Variants in TRIM37 observed in about 807,000 individuals in gnomAD.
TRIM37 encodes tripartite motif containing 37.
In TRIM37, 80 loss-of-function variants were observed where a neutral mutation model predicts 129.8. That is an observed-to-expected ratio of 0.62 (90% confidence interval 0.51 to 0.74). The LOEUF (loss-of-function observed/expected upper bound fraction) is 0.74, where lower values mean the gene tolerates loss of function less well. Among genes scored for constraint, TRIM37 ranks in the 30% least tolerant of loss-of-function variants. TRIM37 has a pLI of 0.00. For missense variants in TRIM37, 1,054 were observed against 1,176.5 expected (o/e 0.90, Z 1.52); for synonymous variants, 389 against 387.1 (o/e 1.00, Z -0.06).
chr17:58,978,160 G>T (rs2031134115), downstream of TRIM37, among the ~76,000 whole-genome samples: 2 of 152,182 alleles, frequency 1.3e-5, no homozygotes, highest in Admixed American at 1.3e-4. Context: ...TTAGTGCAAT[G>T]GAAAGGATAG....
In TRIM37 at chr17:59,047,148, G is replaced by A. The variant is rs1407568291; in HGVS notation, c.1667+535C>T. Among the ~76,000 whole-genome samples the A allele has an allele frequency of 4.7e-5, 7 of 148,154 alleles. No individual in the cohort carries two copies. In the South Asian group the frequency reaches 8.5e-4, roughly 18 times the overall value. On this transcript the variant is annotated intron_variant, in intron 16 of 23. Coordinates refer to ENST00000262294, the MANE Select transcript of TRIM37 (RefSeq NM_015294.6). Reference sequence around the variant, plus strand: ...AGCCTGGGCGACAGAGCGAGACTCCGTCTCAAAAAAAAAGGAAAAAAAAAA... The same window carrying A: ...AGCCTGGGCGACAGAGCGAGACTCCATCTCAAAAAAAAAGGAAAAAAAAAA...
At chr17:59,072,199 G>A (rs1412612984) in intron 8 of TRIM37, among the ~76,000 whole-genome samples, 1 of 152,142 alleles carries the variant, frequency 6.6e-6, no homozygotes, top group African/African-American at 2.4e-5. Context: ...TACAGGCCAA[G>A]GAGAGAGACC....
intron 16 of TRIM37, among the ~76,000 whole-genome samples, chr17:59,042,446 AAAAAT>A (rs1348694385): frequency 1.2e-3 from 52 of 44,744 alleles, no homozygotes; most frequent in Admixed American, 3.0e-3. Flanking sequence ...AAAAAAAAAA[AAAAAT>A]ATATATATAT....
chr17:59,070,748 A>C (rs957960579), intron 9 of TRIM37, 75 bp downstream of exon 9: 35 of 1,512,936 alleles, frequency 2.3e-5, no homozygotes, highest in South Asian at 4.7e-5. Flanking sequence ...TAAAAAAAAA[A>C]ACATTCTTTT....
At chr17:59,092,924 G>A (rs1478029256) in intron 2 of TRIM37, among the ~76,000 whole-genome samples, 2 of 152,066 alleles carry the variant, frequency 1.3e-5, no homozygotes, top group Admixed American at 1.3e-4. Context: ...AGGCTGAGGC[G>A]GGTGGATCAC....
chr17:59,065,051 A>C (rs1276049029), intron 9 of TRIM37, among the ~76,000 whole-genome samples: 1 of 152,176 alleles, frequency 6.6e-6, no homozygotes, highest in African/African-American at 2.4e-5. Flanking sequence ...ACTCTGTCTC[A>C]GTCAACCAAT....
At chr17:59,054,582 G>A (rs565560144) in intron 13 of TRIM37, among the ~76,000 whole-genome samples, 1 of 152,178 alleles carries the variant, frequency 6.6e-6, no homozygotes, top group African/African-American at 2.4e-5. Flanking sequence ...GATTACAGGC[G>A]TGAGCCACGG....
chr17:59,047,691 T>A lies in TRIM37; in HGVS notation c.1659A>T (p.Glu553Asp). The change falls in exon 16 of 24, where the codon GAA (glutamate) becomes GAT (aspartate). Residue 553 changes from glutamate (E) to aspartate (D), a missense_variant. By Grantham distance (45) the Glu-to-Asp change is conservative (BLOSUM62 2). Coordinates refer to ENST00000262294, the MANE Select transcript of TRIM37 (RefSeq NM_015294.6). Reference protein sequence around the residue: ...TSNTEENDIDEETMSGENDVE... With the variant: ...TSNTEENDIDDETMSGENDVE... ...TAAAGTGGGAAACTCACATAGTTTCTTCATCAATATCATTTTCTTCTGTAT... is the reference window on the plus strand; with the variant it reads ...TAAAGTGGGAAACTCACATAGTTTCATCATCAATATCATTTTCTTCTGTAT... 6.2e-7 allele frequency: 1 copy of A among 1,613,464 alleles called. No individual in the cohort carries two copies. Among genetic ancestry groups the A allele is most frequent in the Non-Finnish European group, 8.5e-7 (1 of 1,179,768 alleles).
At chr17:59,063,597 A>G (rs985370496) in intron 10 of TRIM37, among the ~76,000 whole-genome samples, 3 of 152,224 alleles carry the variant, frequency 2.0e-5, no homozygotes, top group Non-Finnish European at 4.4e-5. Context: ...GAACCTTTGC[A>G]TGTTACGATC....
intron 4 of TRIM37, among the ~76,000 whole-genome samples, chr17:59,084,490 T>C (rs1395089753): frequency 2.0e-5 from 3 of 152,170 alleles, no homozygotes; most frequent in Admixed American, 6.5e-5. Context: ...TGGTCAACGA[T>C]AACAATAATC....
chr17:59,084,939 A>C (rs994482321), intron 4 of TRIM37, among the ~76,000 whole-genome samples: 5 of 152,194 alleles, frequency 3.3e-5, no homozygotes, highest in Admixed American at 6.6e-5. Flanking sequence ...TGAGAAAATA[A>C]ATTTCTATTG....
chr17:59,001,466 AAAAG>A (rs1341043662), intron 23 of TRIM37, 128 bp downstream of exon 23: 12 of 1,126,682 alleles, frequency 1.1e-5, no homozygotes, highest in African/African-American at 7.9e-5. Flanking sequence ...AAAAAAAAAA[AAAAG>A]AAGTAGAAGC....
At chr17:59,060,344 T>C (rs75260663) in intron 12 of TRIM37, among the ~76,000 whole-genome samples, 2 of 151,756 alleles carry the variant, frequency 1.3e-5, no homozygotes, top group African/African-American at 2.4e-5. Context: ...TTTTTTTTTT[T>C]GGTTGTTGCA....
At chr17:58,992,827 T>A (rs888096428) in intron 24 of TRIM37, among the ~76,000 whole-genome samples, 8 of 152,164 alleles carry the variant, frequency 5.3e-5, no homozygotes, top group Non-Finnish European at 1.5e-5. Context: ...TCCTGAGTCA[T>A]CTCATTAGCA....
intron 4 of TRIM37, 156 bp downstream of exon 4, chr17:59,088,135 T>C: frequency 1.6e-6 from 1 of 638,226 alleles, no homozygotes; most frequent in Non-Finnish European, 2.8e-6. Context: ...AAGAATATGT[T>C]ACTTAACAGT....
chr17:59,033,371 A>G lies in TRIM37; in HGVS notation c.1754-1281T>C, dbSNP rs138435432. Among the ~76,000 whole-genome samples the G allele has an allele frequency of 3.1e-3, 479 of 152,192 alleles. 3 individuals are homozygous for G. Among genetic ancestry groups the G allele is most frequent in the Non-Finnish European group, 5.5e-3 (377 of 68,002 alleles). On this transcript the variant is annotated intron_variant, in intron 17 of 23. Coordinates refer to ENST00000262294, the MANE Select transcript of TRIM37 (RefSeq NM_015294.6). ...TATCTCACTGACAGTTTTTCTTCCC[A>G]GCCTCTGTATTACTGCAATTCCTAT...
intron 22 of TRIM37, among the ~76,000 whole-genome samples, chr17:59,006,673 G>A (rs1333624456): frequency 1.3e-5 from 2 of 152,118 alleles, no homozygotes; most frequent in African/African-American, 4.8e-5. Flanking sequence ...CAGATTGCCC[G>A]AGGTCAGGAG....
chr17:59,031,824 C>T (rs1205854916), intron 18 of TRIM37, 72 bp downstream of exon 18: 1 of 1,494,352 alleles, frequency 6.7e-7, no homozygotes, highest in Non-Finnish European at 9.3e-7. Flanking sequence ...AGCTGAAATA[C>T]TTAAATGAAA....
At position 59,101,699 on chromosome 17, in the gene TRIM37, C is replaced by T. The variant is rs545630016; in HGVS notation, c.123+2594G>A. ...AAAAATATATATATATATATATACA[C>T]ACACACACACACACACACACACATA... On this transcript the variant is annotated intron_variant, in intron 2 of 23. Coordinates refer to ENST00000262294, the MANE Select transcript of TRIM37 (RefSeq NM_015294.6). 3.1e-3 allele frequency among the ~76,000 whole-genome samples: 396 copies of T among 128,438 alleles called. 1 individual carries two copies. The highest frequency in any genetic ancestry group is 0.01 in the African/African-American group (337 of 33,168). 84.3% of individuals were successfully genotyped at this position (128,438 alleles called of 152,430 possible). A position where few individuals can be genotyped will look rare whatever the true frequency, so the allele number is the denominator to read the frequency against.
Sources: allele counts gnomAD v4.1 joint callset (sites outside exome capture counted in the v4.1 genomes callset), GRCh38; gene constraint gnomAD v4.1.1; transcripts MANE v1.5; gene names NCBI Gene and HGNC (gene_info 2026-07-23, HGNC 2026-07-21).